KCTD9: variants seen among roughly 807,000 people sequenced by gnomAD.
KCTD9 encodes the protein BTB/POZ domain-containing protein KCTD9.
In KCTD9, 17 loss-of-function variants were observed where a neutral mutation model predicts 53.3. The ratio of observed to expected loss-of-function variants is 0.32; its 90% CI spans 0.22 to 0.48. The LOEUF (loss-of-function observed/expected upper bound fraction) is 0.48, where lower values mean the gene tolerates loss of function less well. KCTD9 is among the 20% of genes least tolerant of loss of function. KCTD9 has a pLI of 0.99. For missense variants in KCTD9, 179 were observed against 465.5 expected (o/e 0.38, Z 5.66); for synonymous variants, 128 against 162.7 (o/e 0.79, Z 1.62).
chr8:25,429,926 C>A lies in KCTD9; in HGVS notation c.1101G>T (p.Gly367=). ...GCDLQEANLR[G]SNVKGAIFEE... is the part of the protein sequence containing the mutation. ...CAAATATAGCTCCCTTCACGTTGGA[C>A]CCTCTCAGGTTGGCTTCTTGAAGAT... Residue 367 remains glycine, a synonymous_variant, in exon 12 of 12, where the codon GGG becomes GGT. Coordinates refer to ENST00000221200, the MANE Select transcript of KCTD9 (RefSeq NM_017634.4). The A allele has an allele frequency of 6.2e-7, 1 of 1,610,780 alleles. No individual in the cohort carries two copies. Among genetic ancestry groups the A allele is most frequent in the Non-Finnish European group, 8.5e-7 (1 of 1,177,064 alleles).
At chr8:25,455,561 C>T (rs979591381) in intron 1 of KCTD9, among the ~76,000 whole-genome samples, 2 of 152,238 alleles carry the variant, frequency 1.3e-5, no homozygotes, top group Non-Finnish European at 2.9e-5. Context: ...GTGGCAGCTT[C>T]TGCCATTTCC....
At chr8:25,434,858 CATACAT>C (rs1162111600) in intron 9 of KCTD9, among the ~76,000 whole-genome samples, 2 of 152,140 alleles carry the variant, frequency 1.3e-5, no homozygotes, top group African/African-American at 4.8e-5. Context: ...GTTATAAATA[CATACAT>C]ATACATATAT....
chr8:25,440,779 C>A, intron 3 of KCTD9, 106 bp from the exon 4 acceptor site: 1 of 754,044 alleles, frequency 1.3e-6, no homozygotes, highest in East Asian at 2.7e-5. Context: ...TAAAAGCATA[C>A]CAGAGCTACT....
At chr8:25,441,845 C>CA (rs1802128957) in intron 3 of KCTD9, among the ~76,000 whole-genome samples, 1 of 151,620 alleles carries the variant, frequency 6.6e-6, no homozygotes, top group Admixed American at 6.6e-5. Context: ...ACAAAAAATA[C>CA]AAAAAAATTA....
intron 9 of KCTD9, 102 bp from the exon 10 acceptor site, chr8:25,433,537 C>G: frequency 2.1e-6 from 1 of 483,898 alleles, no homozygotes; most frequent in South Asian, 5.1e-5. Flanking sequence ...AAAGGCTCAA[C>G]TCAAAACACT....
rs578021372 is a variant in KCTD9, at chr8:25,456,179, T to C, written c.48+2020A>G. On this transcript the variant is annotated intron_variant, in intron 1 of 11. Coordinates refer to ENST00000221200, the MANE Select transcript of KCTD9 (RefSeq NM_017634.4). Reference sequence around the variant, plus strand: ...ACTAAACAAGCTATGAGAGGGAAACTTACTTGAAAAAACAGAGATTATTCT... The same window carrying C: ...ACTAAACAAGCTATGAGAGGGAAACCTACTTGAAAAAACAGAGATTATTCT... Among the ~76,000 whole-genome samples, 3 of 152,284 alleles carry C rather than the reference T, an allele frequency of 2.0e-5. No individual in the cohort carries two copies. The South Asian group carries it at 6.2e-4, about 32-fold the overall frequency.
intron 3 of KCTD9, among the ~76,000 whole-genome samples, chr8:25,443,913 T>C (rs1029719319): frequency 6.6e-6 from 1 of 152,166 alleles, no homozygotes; most frequent in Non-Finnish European, 1.5e-5. Context: ...TGTCAAACAC[T>C]ACTTACGCAA....
chr8:25,447,208 A>G (rs1802229372), intron 1 of KCTD9, among the ~76,000 whole-genome samples: 2 of 152,142 alleles, frequency 1.3e-5, no homozygotes, highest in Non-Finnish European at 2.9e-5. Flanking sequence ...AGCCAGACCA[A>G]CATGGAGAAA....
Position 25,446,178 on chromosome 8 carries a change from T to C in KCTD9, c.121A>G (p.Ser41Gly). The change falls in exon 2 of 12, where the codon AGT becomes GGT. Residue 41 changes from serine (S) to glycine (G), a missense_variant. Around this residue, in one of 4 missense-constraint regions of KCTD9, gnomAD observed 115 missense variants for 250.9 expected, o/e 0.46. Coordinates refer to ENST00000221200, the MANE Select transcript of KCTD9 (RefSeq NM_017634.4). Reference sequence around the variant, plus strand: ...AGTCCACCTTTCCCATTATACACACTGGTGGCTTTTATGCCGAGTTTACTG... The same window carrying C: ...AGTCCACCTTTCCCATTATACACACCGGTGGCTTTTATGCCGAGTTTACTG... ...ASSKLGIKAT[S>G]VYNGKGGLID... is the part of the protein sequence containing the mutation. The C allele has an allele frequency of 1.2e-6, 2 of 1,614,020 alleles. No individual in the cohort carries two copies. Among genetic ancestry groups the C allele is most frequent in the Admixed American group, 1.7e-5 (1 of 60,016 alleles).
At chr8:25,455,633 T>C (rs1431139171) in intron 1 of KCTD9, among the ~76,000 whole-genome samples, 1 of 152,230 alleles carries the variant, frequency 6.6e-6, no homozygotes, top group Admixed American at 6.5e-5. Flanking sequence ...TTTGAAGTAA[T>C]CCTTTAAGAT....
At chr8:25,455,914 A>G (rs1227439017) in intron 1 of KCTD9, among the ~76,000 whole-genome samples, 3 of 152,244 alleles carry the variant, frequency 2.0e-5, no homozygotes, top group Non-Finnish European at 4.4e-5. Flanking sequence ...AACAAAAGGT[A>G]TATTTCTTCC....
chr8:25,453,105 G>A (rs974749534), intron 1 of KCTD9, among the ~76,000 whole-genome samples: 1 of 152,222 alleles, frequency 6.6e-6, no homozygotes, highest in Non-Finnish European at 1.5e-5. Context: ...GCTCACGCCT[G>A]TAATCCCAGT....
intron 1 of KCTD9, among the ~76,000 whole-genome samples, chr8:25,448,059 T>G (rs1337804653): frequency 6.6e-6 from 1 of 151,928 alleles, no homozygotes; most frequent in Non-Finnish European, 1.5e-5. Context: ...GCCTGCCAAT[T>G]CAAGGCTGCA....
At chr8:25,438,722 C>T (rs892211674) in intron 6 of KCTD9, among the ~76,000 whole-genome samples, 2 of 152,232 alleles carry the variant, frequency 1.3e-5, no homozygotes, top group South Asian at 2.1e-4. Context: ...TGAATCTTCA[C>T]AAAAATCTTG....
chr8:25,441,602 A>G (rs1239352695), intron 3 of KCTD9, among the ~76,000 whole-genome samples: 1 of 152,226 alleles, frequency 6.6e-6, no homozygotes, highest in Non-Finnish European at 1.5e-5. Flanking sequence ...TAAAAGAAAA[A>G]TGATTTTTAA....
At position 25,458,189 on chromosome 8, in the gene KCTD9, C is replaced by A; in HGVS notation, c.48+10G>T. The A allele has an allele frequency of 1.1e-5, 17 of 1,603,854 alleles. No individual in the cohort carries two copies. Among genetic ancestry groups the A allele is most frequent in the Non-Finnish European group, 1.4e-5 (16 of 1,175,406 alleles). ...CCCCGGCCCGCCGCGCCCCCTCACG[C>A]CCCCGTTACCTTTCCGTTCTTGGGG... On this transcript the variant is annotated intron_variant, in intron 1 of 11. Transcript: ENST00000221200.
At position 25,428,092 on chromosome 8, in the gene KCTD9, C is replaced by A. The variant is rs1388324436; in HGVS notation, c.*1765G>T. The A allele has an allele frequency of 6.6e-6, 1 of 152,602 alleles. No individual in the cohort carries two copies. Among genetic ancestry groups the A allele is most frequent in the African/African-American group, 2.4e-5 (1 of 41,444 alleles). 9.5% of individuals were successfully genotyped at this position (152,602 alleles called of 1,614,324 possible). ...AGATCTAAAATCTGCAGTTTCTAAGCACACCATGTTTAGATCTTTCAGATC... is the reference window on the plus strand; with the variant it reads ...AGATCTAAAATCTGCAGTTTCTAAGAACACCATGTTTAGATCTTTCAGATC... On this transcript the variant is annotated 3_prime_UTR_variant, in exon 12 of 12. Coordinates refer to ENST00000221200, the MANE Select transcript of KCTD9 (RefSeq NM_017634.4).
chr8:25,438,923 T>G (rs1644462576), intron 6 of KCTD9, among the ~76,000 whole-genome samples: 1 of 152,208 alleles, frequency 6.6e-6, no homozygotes, highest in African/African-American at 2.4e-5. Flanking sequence ...TATCCAGAAC[T>G]TGGAGCCAAG....
chr8:25,434,181 T>C (rs73220007), intron 9 of KCTD9, among the ~76,000 whole-genome samples: 63,200 of 152,048 alleles, frequency 0.42, 13,742 homozygotes, highest in African/African-American at 0.56. Flanking sequence ...CTCACTGCAA[T>C]CTCTGCCTCC....
Sources: allele counts gnomAD v4.1 joint callset (sites outside exome capture counted in the v4.1 genomes callset), GRCh38; gene constraint gnomAD v4.1.1; regional missense constraint gnomAD v4.1.1; transcripts MANE v1.5; gene names NCBI Gene and HGNC (gene_info 2026-07-23, HGNC 2026-07-21).